ZNF141: variants seen among roughly 807,000 people sequenced by gnomAD.
ZNF141 encodes the protein zinc finger protein 141 (clone pHZ-44).
ZNF141 carries 7 observed loss-of-function variants against 11.3 expected under a neutral mutation model. The observed-to-expected ratio is 0.62, with a 90% CI of 0.35 to 1.16. ZNF141 has a LOEUF of 1.16. Ranked by LOEUF, ZNF141 falls within the 50% of genes most tolerant of loss-of-function variation. The probability of loss-of-function intolerance (pLI) is 0.02; values close to 1 mark genes in which losing one functional copy is unlikely to be tolerated. For missense variants in ZNF141, 535 were observed against 554.0 expected (o/e 0.97, Z 0.34); for synonymous variants, 183 against 190.7 (o/e 0.96, Z 0.33).
intron 3 of ZNF141, among the ~76,000 whole-genome samples, chr4:354,927 A>G (rs1297970428): frequency 2.0e-5 from 3 of 152,074 alleles, no homozygotes; most frequent in African/African-American, 7.2e-5. Flanking sequence ...AAAAATGAAA[A>G]GACTTGTTTA....
At chr4:357,277 T>C (rs1553851329) in intron 3 of ZNF141, among the ~76,000 whole-genome samples, 2 of 152,132 alleles carry the variant, frequency 1.3e-5, no homozygotes, top group Admixed American at 6.6e-5. Context: ...AAAGATTGAA[T>C]AGCTTTCTGA....
intron 3 of ZNF141, among the ~76,000 whole-genome samples, chr4:345,441 GGAA>G (rs1185698405): frequency 2.0e-5 from 3 of 152,200 alleles, no homozygotes; most frequent in Admixed American, 2.0e-4. Context: ...GGGCCACATT[GGAA>G]GAAGAATTGT....
In ZNF141 at chr4:377,748, A is replaced by G. The variant is rs1255671331; in HGVS notation, c.*3886A>G. ...AAAATTGTATGAGATTCTATCATAA[A>G]GTGTGTAAAATGTAACAAAAGTTAG... On this transcript the variant is annotated 3_prime_UTR_variant, in exon 4 of 4. Coordinates refer to ENST00000240499, the MANE Select transcript of ZNF141 (RefSeq NM_003441.4). Among the ~76,000 whole-genome samples, 2 of 152,260 alleles carry G rather than the reference A, an allele frequency of 1.3e-5. No individual in the cohort carries two copies. Among genetic ancestry groups the G allele is most frequent in the African/African-American group, 4.8e-5 (2 of 41,472 alleles).
chr4:340,149 T>C (rs566361980), intron 1 of ZNF141, among the ~76,000 whole-genome samples: 15 of 152,384 alleles, frequency 9.8e-5, no homozygotes, highest in Middle Eastern at 3.4e-3. Context: ...TTTGCTGTTA[T>C]ATTTTCCACA....
chr4:344,377 A>G lies in ZNF141; in HGVS notation c.173A>G (p.Gln58Arg). Reference sequence around the variant, plus strand: ...CCAGACCTGGTCACCTGTCTGGAGCAAAGAAAAGAGCCCTACAATGTGAAG... The same window carrying G: ...CCAGACCTGGTCACCTGTCTGGAGCGAAGAAAAGAGCCCTACAATGTGAAG... ...SNPDLVTCLEQRKEPYNVKIH... is the reference protein window; with the variant it reads ...SNPDLVTCLERRKEPYNVKIH... Residue 58 changes from glutamine (Q) to arginine (R), a missense_variant, in exon 3 of 4, where the codon CAA becomes CGA. Physicochemically the swap from Gln to Arg is conservative, Grantham distance 43 (BLOSUM62 1). Coordinates refer to ENST00000240499, the MANE Select transcript of ZNF141 (RefSeq NM_003441.4). 3 of 1,609,238 alleles carry G rather than the reference A, an allele frequency of 1.9e-6. No individual in the cohort carries two copies. The highest frequency in any genetic ancestry group is 1.7e-5 in the Admixed American group (1 of 59,884).
chr4:374,578 C>G lies in ZNF141; in HGVS notation c.*716C>G, dbSNP rs1712269942. ...AACGTGGCAGAGCCTTCAGACCATC[C>G]ACAAACCTTTATGAAAATTCATATT... On this transcript the variant is annotated 3_prime_UTR_variant, in exon 4 of 4. Coordinates refer to ENST00000240499, the MANE Select transcript of ZNF141 (RefSeq NM_003441.4). The G allele has an allele frequency of 6.2e-6, 1 of 161,968 alleles. No individual in the cohort carries two copies. Among genetic ancestry groups the G allele is most frequent in the African/African-American group, 2.4e-5 (1 of 41,694 alleles). 10.0% of individuals were successfully genotyped at this position (161,968 alleles called of 1,614,324 possible).
At chr4:360,958 CTG>C (rs1486015601) in intron 3 of ZNF141, among the ~76,000 whole-genome samples, 8 of 151,372 alleles carry the variant, frequency 5.3e-5, no homozygotes, top group African/African-American at 1.7e-4. Context: ...GTCAAAGAAA[CTG>C]TAAATTTACC....
chr4:343,012 G>C (rs1159569721), intron 1 of ZNF141: 1 of 714,454 alleles, frequency 1.4e-6, no homozygotes, highest in Non-Finnish European at 2.0e-6. Context: ...TATTAAAAAA[G>C]TTCCTTGCAT....
At chr4:365,179 C>G (rs1159641926) in intron 3 of ZNF141, among the ~76,000 whole-genome samples, 1 of 152,200 alleles carries the variant, frequency 6.6e-6, no homozygotes, top group African/African-American at 2.4e-5. Flanking sequence ...TTTGCTAAGA[C>G]CATTGGAAAA....
rs183674038 is a variant in ZNF141 at position 375,804 on chromosome 4, A to G, written c.*1942A>G. Among the ~76,000 whole-genome samples the G allele has an allele frequency of 2.8e-3, 427 of 152,202 alleles. 1 individual carries two copies. Among genetic ancestry groups the G allele is most frequent in the African/African-American group, 0.01 (418 of 41,570 alleles). ...GTGATGAATTGTTGCTGCATCAGAG[A>G]TAAGAGAGATTCTTTTTCATTAGGT... On this transcript the variant is annotated 3_prime_UTR_variant, in exon 4 of 4. Coordinates refer to ENST00000240499, the MANE Select transcript of ZNF141 (RefSeq NM_003441.4).
chr4:383,315 G>A lies in ZNF141; in HGVS notation c.*9453G>A. 3.4e-6 allele frequency: 2 copies of A among 592,714 alleles called. No individual in the cohort carries two copies. The highest frequency in any genetic ancestry group is 6.0e-6 in the Non-Finnish European group (2 of 335,840). The allele number at this position is 592,714 out of a possible 1,614,324, so 36.7% of individuals were successfully genotyped here. A position where few individuals can be genotyped will look rare whatever the true frequency, so the allele number is the denominator to read the frequency against. On this transcript the variant is annotated 3_prime_UTR_variant, in exon 4 of 4. Transcript: ENST00000240499. ...TTCTAACCAGCTCAATCCTGAGCTA[G>A]TATGTTTCGGGATTGTTATGCAGTT...
At chr4:358,220 T>C (rs1417146271) in intron 3 of ZNF141, 14 of 388,720 alleles carry the variant, frequency 3.6e-5, no homozygotes, top group Non-Finnish European at 5.9e-5. Flanking sequence ...GGAGTTTCGC[T>C]CTTGTCACCC....
chr4:359,737 A>G (rs1039661751), intron 3 of ZNF141, among the ~76,000 whole-genome samples: 11 of 152,210 alleles, frequency 7.2e-5, no homozygotes, highest in African/African-American at 2.4e-4. Flanking sequence ...TTTTGGTTGC[A>G]TGGACTTGGA....
At chr4:346,988 A>T (rs1307262525) in intron 3 of ZNF141, among the ~76,000 whole-genome samples, 2 of 149,032 alleles carry the variant, frequency 1.3e-5, no homozygotes, top group African/African-American at 5.1e-5. Flanking sequence ...TTCCTTTGGT[A>T]GTATGCCCAG....
At position 344,249 on chromosome 4, in the gene ZNF141, C is replaced by G. The variant is rs1480598335; in HGVS notation, c.131-86C>G. 8 of 1,165,722 alleles carry G rather than the reference C, an allele frequency of 6.9e-6. No homozygotes were observed. In the South Asian group the frequency reaches 8.0e-5, roughly 12 times the overall value. The allele number at this position is 1,165,722 out of a possible 1,614,324, so 72.2% of individuals were successfully genotyped here. On this transcript the variant is annotated intron_variant, in intron 2 of 3. Coordinates refer to ENST00000240499, the MANE Select transcript of ZNF141 (RefSeq NM_003441.4). ...AATTTTCTAGAATCTTCCATAATAT[C>G]TCTATTCTGCTTAGCGTAGTACTAG...
At chr4:361,623 C>G (rs181852605) in intron 3 of ZNF141, among the ~76,000 whole-genome samples, 1 of 152,022 alleles carries the variant, frequency 6.6e-6, no homozygotes, top group African/African-American at 2.4e-5. Context: ...TGAGAACATG[C>G]GGTGTTTGGT....
intron 3 of ZNF141, among the ~76,000 whole-genome samples, chr4:346,563 A>G (rs1161332352): frequency 6.6e-6 from 1 of 152,188 alleles, no homozygotes; most frequent in African/African-American, 2.4e-5. Context: ...GCTAATATAC[A>G]TTAGGTTTCT....
chr4:338,067 CGAACGGAGT>C (rs1403395622), intron 1 of ZNF141, 81 bp downstream of exon 1: 32 of 1,584,412 alleles, frequency 2.0e-5, no homozygotes, highest in South Asian at 4.5e-5. Context: ...ACCGAGTCTG[CGAACGGAGT>C]CCCCGCTGCC....
chr4:370,342 TA>T lies in ZNF141; in HGVS notation c.227-2321del, dbSNP rs575040568. Among the ~76,000 whole-genome samples, 432 of 152,340 alleles carry T rather than the reference TA, an allele frequency of 2.8e-3. 1 individual carries two copies. Among genetic ancestry groups the T allele is most frequent in the African/African-American group, 0.01 (423 of 41,586 alleles). On this transcript the variant is annotated intron_variant, in intron 3 of 3. Coordinates refer to ENST00000240499, the MANE Select transcript of ZNF141 (RefSeq NM_003441.4). ...AAAGTTATGTATTTTCATATCATCA[TA>T]TTTTTTTTCTTGCATCCTGTTATTT...
Sources: gnomAD v4.1 joint callset for allele counts (sites outside exome capture counted in the v4.1 genomes callset) on GRCh38, gnomAD v4.1.1 for gene constraint, MANE v1.5 for transcripts, NCBI Gene and HGNC (gene_info 2026-07-23, HGNC 2026-07-21) for gene names.